Variants in TAS2R1 observed in about 807,000 individuals in gnomAD.
The protein encoded by TAS2R1 is taste 2 receptor member 1.
For synonymous variants in TAS2R1, 141 were observed against 134.2 expected (o/e 1.05, Z -0.35); for missense variants, 370 against 353.4 (o/e 1.05, Z -0.38).
chr5:9,806,886 A>C, the TAS2R1 span, among the ~76,000 whole-genome samples: 1 of 152,102 alleles, frequency 6.6e-6, no homozygotes, highest in African/African-American at 2.4e-5. Flanking sequence ...TGCAACAAAA[A>C]CAGATAAATA....
At chr5:9,660,222 CTAATTTTTT>C in intron 1 of TAS2R1, among the ~76,000 whole-genome samples, 1 of 109,162 alleles carries the variant, frequency 9.2e-6, no homozygotes, top group South Asian at 3.5e-4. Context: ...CCGCTCCCGG[CTAATTTTTT>C]TTTTTTTTTT....
the TAS2R1 span, among the ~76,000 whole-genome samples, chr5:9,750,642 C>G: frequency 1.3e-5 from 2 of 152,164 alleles, no homozygotes; most frequent in Admixed American, 6.5e-5. Flanking sequence ...TTCTCACTTT[C>G]ATCATTAGAA....
the TAS2R1 span, among the ~76,000 whole-genome samples, chr5:9,874,672 G>A: frequency 2.5e-3 from 382 of 152,202 alleles, 1 homozygote; most frequent in Middle Eastern, 0.017. Context: ...GTGAATCCCC[G>A]CGCTACAGGT....
chr5:9,714,479 C>T (rs929840687), upstream of TAS2R1, among the ~76,000 whole-genome samples: 7 of 152,252 alleles, frequency 4.6e-5, no homozygotes, highest in African/African-American at 1.7e-4. Flanking sequence ...TATCCAGGGC[C>T]GGCTTCACCA....
chr5:9,897,665 A>T, the TAS2R1 span, among the ~76,000 whole-genome samples: 1 of 152,208 alleles, frequency 6.6e-6, no homozygotes, highest in Non-Finnish European at 1.5e-5. Flanking sequence ...GAGATCATAC[A>T]TTCCCATTCT....
At chr5:9,727,414 C>T in the TAS2R1 span, among the ~76,000 whole-genome samples, 1 of 152,170 alleles carries the variant, frequency 6.6e-6, no homozygotes, top group East Asian at 1.9e-4. Context: ...TTATCCTTCT[C>T]TATTTGAGAA....
At chr5:9,839,652 A>G in the TAS2R1 span, among the ~76,000 whole-genome samples, 9,007 of 152,258 alleles carry the variant, frequency 0.059, 627 homozygotes, top group East Asian at 0.23. Flanking sequence ...GAATGAACAG[A>G]CAAAATTCTT....
chr5:9,730,853 C>A, the TAS2R1 span, among the ~76,000 whole-genome samples: 1 of 152,158 alleles, frequency 6.6e-6, no homozygotes, highest in Non-Finnish European at 1.5e-5. Flanking sequence ...CCCATTAGAT[C>A]TGATAGTTTT....
intron 1 of TAS2R1, among the ~76,000 whole-genome samples, chr5:9,700,594 T>C (rs538775444): frequency 3.3e-5 from 5 of 152,312 alleles, no homozygotes; most frequent in African/African-American, 1.2e-4. Flanking sequence ...TGGGATATAA[T>C]GCGCTTGCTT....
upstream of TAS2R1, among the ~76,000 whole-genome samples, chr5:9,715,068 G>A (rs983867349): frequency 2.0e-5 from 3 of 152,188 alleles, no homozygotes; most frequent in Non-Finnish European, 2.9e-5. Flanking sequence ...GGGGACTCCA[G>A]GAAGATATGT....
the TAS2R1 span, among the ~76,000 whole-genome samples, chr5:9,754,571 A>G: frequency 6.6e-6 from 1 of 152,234 alleles, no homozygotes; most frequent in African/African-American, 2.4e-5. Context: ...TACAAAATCA[A>G]TGTGCAAAAA....
the TAS2R1 span, among the ~76,000 whole-genome samples, chr5:9,795,122 T>A: frequency 2.8e-3 from 426 of 152,300 alleles, 1 homozygote; most frequent in South Asian, 6.4e-3. Flanking sequence ...TATCATATAG[T>A]CAACTGTAGT....
chr5:9,800,549 C>G, the TAS2R1 span, among the ~76,000 whole-genome samples: 20 of 152,010 alleles, frequency 1.3e-4, no homozygotes, highest in African/African-American at 4.4e-4. Flanking sequence ...TAAGAATTGG[C>G]CAAACTAAGG....
At chr5:9,765,038 C>T in the TAS2R1 span, among the ~76,000 whole-genome samples, 227 of 152,058 alleles carry the variant, frequency 1.5e-3, 1 homozygote, top group African/African-American at 5.3e-3. Flanking sequence ...ATAGTATGAA[C>T]CCAGTTACGT....
At chr5:9,897,844 C>G in the TAS2R1 span, among the ~76,000 whole-genome samples, 1 of 152,120 alleles carries the variant, frequency 6.6e-6, no homozygotes, top group African/African-American at 2.4e-5. Context: ...GATAAAATTA[C>G]TAAGAGCCTG....
the TAS2R1 span, among the ~76,000 whole-genome samples, chr5:9,873,320 A>C: frequency 6.6e-6 from 1 of 151,868 alleles, no homozygotes; most frequent in African/African-American, 2.4e-5. Flanking sequence ...GAGTTCATGG[A>C]ACCCCAAGCA....
the TAS2R1 span, among the ~76,000 whole-genome samples, chr5:9,811,122 T>G: frequency 2.6e-5 from 4 of 152,174 alleles, no homozygotes; most frequent in Non-Finnish European, 5.9e-5. Flanking sequence ...AGTAACGTCC[T>G]CATAAACATG....
At chr5:9,890,094 T>A in the TAS2R1 span, among the ~76,000 whole-genome samples, 4 of 151,934 alleles carry the variant, frequency 2.6e-5, no homozygotes, top group African/African-American at 7.3e-5. Flanking sequence ...GGATAAAATA[T>A]AGGGTAAAAA....
At chr5:9,746,029 G>GCTA in the TAS2R1 span, among the ~76,000 whole-genome samples, 1 of 152,016 alleles carries the variant, frequency 6.6e-6, no homozygotes, top group Non-Finnish European at 1.5e-5. Flanking sequence ...CTGACAAAGG[G>GCTA]CTACTATCCA....
Sources: allele counts gnomAD v4.1 joint callset (sites outside exome capture counted in the v4.1 genomes callset), GRCh38; gene constraint gnomAD v4.1.1; transcripts MANE v1.5; gene names NCBI Gene and HGNC (gene_info 2026-07-23, HGNC 2026-07-21).